Variants in KIF16B observed in about 807,000 individuals in gnomAD.
KIF16B encodes the protein kinesin family member 16B.
Under a neutral mutation model 156.3 loss-of-function variants are expected in KIF16B, and 98 were observed. The ratio of observed to expected loss-of-function variants is 0.63; its 90% CI spans 0.53 to 0.74. KIF16B has a LOEUF of 0.74. KIF16B is among the 30% of genes least tolerant of loss of function. KIF16B has a pLI of 0.00. For synonymous variants in KIF16B, 564 were observed against 583.7 expected (o/e 0.97, Z 0.49); for missense variants, 1,421 against 1,606.5 (o/e 0.88, Z 1.97).
chr20:16,372,052 G>A (rs2064835307), intron 20 of KIF16B, among the ~76,000 whole-genome samples: 2 of 152,178 alleles, frequency 1.3e-5, no homozygotes, highest in African/African-American at 4.8e-5. Context: ...CCCGCTGCAG[G>A]ATGGAAGAAA....
Position 16,315,038 on chromosome 20 carries a change from G to T in KIF16B, c.3712-2620C>A, listed in dbSNP as rs6043884. On this transcript the variant is annotated intron_variant, in intron 24 of 25. Coordinates refer to ENST00000354981, the MANE Select transcript of KIF16B (RefSeq NM_024704.5). Reference sequence around the variant, plus strand: ...TGTCATTTTCTTATGTGGCTGATGAGGTGATGTGGTTTCTGTCAGGGGAAA... The same window carrying T: ...TGTCATTTTCTTATGTGGCTGATGATGTGATGTGGTTTCTGTCAGGGGAAA... Among the ~76,000 whole-genome samples the T allele has an allele frequency of 2.6e-5, 4 of 152,062 alleles. No individual in the cohort carries two copies. In the South Asian group the frequency reaches 8.3e-4, roughly 32 times the overall value.
At chr20:16,341,752 C>G (rs976153322) in intron 23 of KIF16B, among the ~76,000 whole-genome samples, 5 of 152,206 alleles carry the variant, frequency 3.3e-5, no homozygotes, top group Non-Finnish European at 5.9e-5. Flanking sequence ...TCTGACCAAC[C>G]CTCCAGGGAA....
intron 25 of KIF16B, among the ~76,000 whole-genome samples, chr20:16,300,686 C>T (rs2063459150): frequency 6.6e-6 from 1 of 152,100 alleles, no homozygotes; most frequent in African/African-American, 2.4e-5. Context: ...GATTTTACTT[C>T]TTAGTTTTAG....
intron 12 of KIF16B, among the ~76,000 whole-genome samples, chr20:16,468,207 G>T (rs574402441): frequency 1.3e-5 from 2 of 152,172 alleles, no homozygotes; most frequent in Non-Finnish European, 2.9e-5. Context: ...CTAATCAAAA[G>T]AAAGTAGGAG....
intron 1 of KIF16B, among the ~76,000 whole-genome samples, chr20:16,547,615 C>T (rs2070462729): frequency 2.7e-5 from 1 of 37,724 alleles, no homozygotes; most frequent in South Asian, 8.2e-4. Flanking sequence ...CCTCTGGTCT[C>T]ACTCTGAGCA....
intron 15 of KIF16B, among the ~76,000 whole-genome samples, chr20:16,426,541 C>T (rs1041873672): frequency 6.6e-6 from 1 of 152,120 alleles, no homozygotes; most frequent in African/African-American, 2.4e-5. Context: ...AGAAATGTAT[C>T]AGTGTTAGTG....
chr20:16,506,581 C>A (rs2068784988), intron 7 of KIF16B, among the ~76,000 whole-genome samples: 1 of 152,128 alleles, frequency 6.6e-6, no homozygotes, highest in African/African-American at 2.4e-5. Context: ...TCAATATAGA[C>A]AAGTACGGAA....
At chr20:16,503,029 C>T (rs1421776244) in intron 10 of KIF16B, among the ~76,000 whole-genome samples, 1 of 152,128 alleles carries the variant, frequency 6.6e-6, no homozygotes, top group African/African-American at 2.4e-5. Context: ...AGACTGGTCA[C>T]GTCGTGAAAC....
chr20:16,544,699 C>T (rs540749749), intron 1 of KIF16B, among the ~76,000 whole-genome samples: 1 of 150,832 alleles, frequency 6.6e-6, no homozygotes, highest in East Asian at 2.0e-4. Flanking sequence ...TTCCATAACA[C>T]ACCACAGCAG....
rs148957905 is a variant in KIF16B, at chr20:16,442,334, A to ATGTGTGTGTGTGTG, written c.1303-12366_1303-12353dup. ...ATTGGCTAGATTTAACCATTTCACA[A>ATGTGTGTGTGTGTG]TGTGTGTGTGTGTGTATATATATAT... On this transcript the variant is annotated intron_variant, in intron 12 of 25. Coordinates refer to ENST00000354981, the MANE Select transcript of KIF16B (RefSeq NM_024704.5). Among the ~76,000 whole-genome samples the ATGTGTGTGTGTGTG allele has an allele frequency of 4.2e-3, 603 of 145,184 alleles. 6 individuals are homozygous for ATGTGTGTGTGTGTG. Among genetic ancestry groups the ATGTGTGTGTGTGTG allele is most frequent in the East Asian group, 0.021 (103 of 4,936 alleles).
intron 15 of KIF16B, among the ~76,000 whole-genome samples, chr20:16,420,986 C>G (rs776856861): frequency 6.6e-6 from 1 of 152,036 alleles, no homozygotes; most frequent in African/African-American, 2.4e-5. Context: ...TGCATGAATT[C>G]GAGCACGAAT....
At chr20:16,499,546 TAATA>T (rs957377648) in intron 10 of KIF16B, among the ~76,000 whole-genome samples, 71 of 152,350 alleles carry the variant, frequency 4.7e-4, no homozygotes, top group African/African-American at 1.6e-3. Context: ...AGATGGTACT[TAATA>T]AATATTTTTC....
At chr20:16,405,696 G>C (rs1405620549) in intron 16 of KIF16B, among the ~76,000 whole-genome samples, 2 of 152,142 alleles carry the variant, frequency 1.3e-5, no homozygotes, top group Non-Finnish European at 2.9e-5. Context: ...TGACCTGGGG[G>C]TGATAGCATG....
intron 12 of KIF16B, among the ~76,000 whole-genome samples, chr20:16,493,379 A>G (rs1410118758): frequency 2.0e-5 from 3 of 152,244 alleles, no homozygotes; most frequent in South Asian, 2.1e-4. Flanking sequence ...CCAAGGCTGC[A>G]GAAGTTTACC....
At chr20:16,296,192 C>T (rs550564751) in intron 25 of KIF16B, among the ~76,000 whole-genome samples, 16 of 152,314 alleles carry the variant, frequency 1.1e-4, no homozygotes, top group African/African-American at 3.4e-4. Context: ...CATCTGTCTT[C>T]GAACAAGGCA....
chr20:16,419,270 T>G (rs373438293), intron 15 of KIF16B, among the ~76,000 whole-genome samples: 1 of 152,150 alleles, frequency 6.6e-6, no homozygotes, highest in Non-Finnish European at 1.5e-5. Flanking sequence ...GGAAGACATA[T>G]GATGAATGCT....
At chr20:16,502,596 T>C (rs1203124991) in intron 10 of KIF16B, among the ~76,000 whole-genome samples, 2 of 151,978 alleles carry the variant, frequency 1.3e-5, no homozygotes, top group African/African-American at 4.8e-5. Flanking sequence ...TAATAAGTCA[T>C]AAAAGGAAAA....
At chr20:16,568,848 A>C (rs2071357474) in intron 1 of KIF16B, among the ~76,000 whole-genome samples, 1 of 133,188 alleles carries the variant, frequency 7.5e-6, no homozygotes, top group African/African-American at 2.7e-5. Context: ...AAAAAAAAAA[A>C]AAAAGGCATA....
At chr20:16,318,585 G>C (rs956640594) in intron 24 of KIF16B, among the ~76,000 whole-genome samples, 6 of 152,050 alleles carry the variant, frequency 3.9e-5, no homozygotes, top group African/African-American at 1.4e-4. Flanking sequence ...AAGTGAAAGA[G>C]CTCCCAGTGG....
Sources: allele counts gnomAD v4.1 joint callset (sites outside exome capture counted in the v4.1 genomes callset), GRCh38; gene constraint gnomAD v4.1.1; transcripts MANE v1.5; gene names NCBI Gene and HGNC (gene_info 2026-07-23, HGNC 2026-07-21).